Variants in DYNC2I1 observed in about 807,000 individuals in gnomAD.
The protein encoded by DYNC2I1 is dynein 2 intermediate chain 1.
Under a neutral mutation model 133.4 loss-of-function variants are expected in DYNC2I1, and 89 were observed. The ratio of observed to expected loss-of-function variants is 0.67; its 90% CI spans 0.56 to 0.80. The LOEUF (loss-of-function observed/expected upper bound fraction) is 0.80. Among genes scored for constraint, DYNC2I1 ranks in the 30% least tolerant of loss-of-function variants. The probability of loss-of-function intolerance (pLI) is 0.00; values close to 1 mark genes in which losing one functional copy is unlikely to be tolerated. For missense variants in DYNC2I1, 1,291 were observed against 1,314.5 expected (o/e 0.98, Z 0.28); for synonymous variants, 504 against 484.3 (o/e 1.04, Z -0.54).
At position 158,914,216 on chromosome 7, in the gene DYNC2I1, T is replaced by A. The variant is rs766301815; in HGVS notation, c.1703-17T>A. ...TAGAGTCGACTTCGTTGATTTTATA[T>A]AAACTGTTTTTTTTAGGCAGTGAAC... On this transcript the variant is annotated splice_polypyrimidine_tract_variant and intron_variant, in intron 13 of 24. Transcript: ENST00000407559. 1.3e-6 allele frequency: 2 copies of A among 1,598,998 alleles called. No individual in the cohort carries two copies. The highest frequency in any genetic ancestry group is 1.7e-6 in the Non-Finnish European group (2 of 1,171,500).
chr7:158,924,849 G>A (rs1306519210), intron 17 of DYNC2I1, among the ~76,000 whole-genome samples: 1 of 151,964 alleles, frequency 6.6e-6, no homozygotes, highest in African/African-American at 2.4e-5. Context: ...CTGCCTCCTG[G>A]ATTCAAGTGA....
In DYNC2I1 at chr7:158,869,987, A is replaced by G. The variant is rs912415748; in HGVS notation, c.69+79A>G. 14 of 1,240,324 alleles carry G rather than the reference A, an allele frequency of 1.1e-5. No individual in the cohort carries two copies. In the South Asian group the frequency reaches 1.6e-4, roughly 14 times the overall value. The allele number at this position is 1,240,324 out of a possible 1,614,324, so 76.8% of individuals were successfully genotyped here. A position where few individuals can be genotyped will look rare whatever the true frequency, so the allele number is the denominator to read the frequency against. ...TTGGACCTGCTTTACCTGGTACACA[A>G]CACTGTATAACTTTGGTTATGTGTG... is the stretch of plus-strand genomic sequence containing the variant. On this transcript the variant is annotated intron_variant, in intron 2 of 24. Transcript: ENST00000407559.
chr7:158,891,305 A>G lies in DYNC2I1; in HGVS notation c.1031A>G (p.Asp344Gly). The change falls in exon 8 of 25, where the codon GAC (aspartate) becomes GGC (glycine). Residue 344 changes from aspartate to glycine, a missense_variant. Asp to Gly is a moderately conservative substitution (Grantham distance 94). Transcript: ENST00000407559. ...EEGSSVWWKLDQRPGGEETVE... is the reference protein window; with the variant it reads ...EEGSSVWWKLGQRPGGEETVE... ...GGCTCTTCTGTGTGGTGGAAGCTGG[A>G]CCAGAGGCCGGGAGGCGAGGAAACC... The G allele has an allele frequency of 6.2e-7, 1 of 1,614,038 alleles. No homozygotes were observed. The highest frequency in any genetic ancestry group is 8.5e-7 in the Non-Finnish European group (1 of 1,179,892).
At chr7:158,916,256 A>G (rs1193400037) in intron 14 of DYNC2I1, among the ~76,000 whole-genome samples, 2 of 85,214 alleles carry the variant, frequency 2.3e-5, no homozygotes, top group African/African-American at 7.7e-5. Flanking sequence ...AAACGTCTAC[A>G]CGCTGGTTGA....
At chr7:158,841,167 ATATATATATAT>A in the DYNC2I1 span, among the ~76,000 whole-genome samples, 1 of 1,112 alleles carries the variant, frequency 9.0e-4, no homozygotes, top group Non-Finnish European at 1.9e-3. Flanking sequence ...AAATATATAT[ATATATATATAT>A]ATATATATAT....
chr7:158,943,060 C>T lies in DYNC2I1; in HGVS notation c.3002+912C>T, dbSNP rs138060094. ...CTCCTACTGTGAGGGTTCATGTTGA[C>T]CTGGGGAGAGAAATCCCACAGCCCT... On this transcript the variant is annotated intron_variant, in intron 24 of 24. Transcript: ENST00000407559. Among the ~76,000 whole-genome samples, 223 of 152,092 alleles carry T rather than the reference C, an allele frequency of 1.5e-3. 1 individual carries two copies. Among genetic ancestry groups the T allele is most frequent in the East Asian group, 4.8e-3 (25 of 5,172 alleles).
At position 158,942,079 on chromosome 7, in the gene DYNC2I1, A is replaced by G. The variant is rs780146826; in HGVS notation, c.2933A>G (p.Asn978Ser). Reference protein sequence around the residue: ...AVFLVQDDTSNIYIWDLLQSD... With the variant: ...AVFLVQDDTSSIYIWDLLQSD... ...TTCCTGGTGCAGGACGACACATCCA[A>G]CATCTACATCTGGGACCTCCTCCAG... Residue 978 changes from asparagine to serine, a missense_variant, in exon 24 of 25, where the codon AAC becomes AGC. Transcript: ENST00000407559. The G allele has an allele frequency of 1.8e-5, 29 of 1,610,082 alleles. No homozygotes were observed. In the African/African-American group the frequency reaches 2.5e-4, roughly 14 times the overall value.
chr7:158,890,964 T>C (rs1845152590), intron 7 of DYNC2I1, among the ~76,000 whole-genome samples: 1 of 152,252 alleles, frequency 6.6e-6, no homozygotes, highest in Non-Finnish European at 1.5e-5. Flanking sequence ...TGCAGGGATC[T>C]GGACTTCATG....
Position 158,891,309 on chromosome 7 carries a change from G to A in DYNC2I1, c.1035G>A (p.Gln345=). The change falls in exon 8 of 25, where the codon CAG becomes CAA. Residue 345 remains glutamine, a synonymous_variant. Coordinates refer to ENST00000407559, the MANE Select transcript of DYNC2I1 (RefSeq NM_018051.5). ...EGSSVWWKLD[Q]RPGGEETVEI... ...CTTCTGTGTGGTGGAAGCTGGACCAGAGGCCGGGAGGCGAGGAAACCGTGG... is the reference window on the plus strand; with the variant it reads ...CTTCTGTGTGGTGGAAGCTGGACCAAAGGCCGGGAGGCGAGGAAACCGTGG... 6.2e-7 allele frequency: 1 copy of A among 1,614,070 alleles called. No individual in the cohort carries two copies. The highest frequency in any genetic ancestry group is 8.5e-7 in the Non-Finnish European group (1 of 1,179,906).
chr7:158,929,899 G>A (rs1165571970), intron 20 of DYNC2I1, among the ~76,000 whole-genome samples: 1 of 152,232 alleles, frequency 6.6e-6, no homozygotes, highest in Non-Finnish European at 1.5e-5. Flanking sequence ...AGGCCTCAGA[G>A]CCGTGGCTCT....
At chr7:158,865,941 G>A (rs1346096351) in intron 1 of DYNC2I1, among the ~76,000 whole-genome samples, 2 of 152,118 alleles carry the variant, frequency 1.3e-5, no homozygotes, top group Non-Finnish European at 2.9e-5. Context: ...GTCCATATTA[G>A]CTGAGTTTTA....
At chr7:158,850,893 C>T in the DYNC2I1 span, among the ~76,000 whole-genome samples, 1,120 of 152,042 alleles carry the variant, frequency 7.4e-3, 8 homozygotes, top group African/African-American at 0.024. Context: ...CCCCAGGACT[C>T]TAACTTTATG....
At chr7:158,954,378 C>T (rs1232250560) in intron 4 of DYNC2I1, among the ~76,000 whole-genome samples, 2 of 152,204 alleles carry the variant, frequency 1.3e-5, no homozygotes, top group African/African-American at 2.4e-5. Context: ...GGTGTAGTGG[C>T]TCACACCTGT....
intron 1 of DYNC2I1, among the ~76,000 whole-genome samples, chr7:158,860,919 G>A (rs1255212796): frequency 6.6e-6 from 1 of 152,188 alleles, no homozygotes. Context: ...CTCCAAGGTT[G>A]GTCCTCACCA....
chr7:158,938,047 G>T, intron 23 of DYNC2I1, among the ~76,000 whole-genome samples: 1 of 152,198 alleles, frequency 6.6e-6, no homozygotes, highest in East Asian at 1.9e-4. Context: ...GTTAGAAAAT[G>T]TATTCAAAGA....
upstream of DYNC2I1, among the ~76,000 whole-genome samples, chr7:158,855,234 G>T (rs562112701): frequency 2.6e-5 from 4 of 152,174 alleles, no homozygotes; most frequent in Non-Finnish European, 4.4e-5. Context: ...TAACTTGGGT[G>T]GGGGGAAGCC....
At chr7:158,926,581 A>G in intron 19 of DYNC2I1, 118 bp downstream of exon 19, 1 of 1,144,196 alleles carries the variant, frequency 8.7e-7, no homozygotes, top group Non-Finnish European at 1.3e-6. Context: ...AACGGAGAGC[A>G]AGACTGGGCT....
At chr7:158,882,708 A>G (rs138478356) in intron 5 of DYNC2I1, among the ~76,000 whole-genome samples, 1,661 of 152,190 alleles carry the variant, frequency 0.011, 28 homozygotes, top group African/African-American at 0.038. Context: ...CCCTGTCTCT[A>G]CTAAAAAATA....
intron 4 of DYNC2I1, among the ~76,000 whole-genome samples, chr7:158,878,890 T>C (rs1843696598): frequency 7.0e-6 from 1 of 143,116 alleles, no homozygotes; most frequent in Admixed American, 7.0e-5. Context: ...GGGCACCATG[T>C]GGGGAGGCCA....
Sources: gnomAD v4.1 joint callset for allele counts (sites outside exome capture counted in the v4.1 genomes callset) on GRCh38, gnomAD v4.1.1 for gene constraint, MANE v1.5 for transcripts, NCBI Gene and HGNC (gene_info 2026-07-23, HGNC 2026-07-21) for gene names.